The following SGCZ variants were observed in gnomAD, a reference collection of about 807,000 sequenced individuals.
SGCZ encodes sarcoglycan zeta.
A neutral mutation model predicts 41.3 loss-of-function variants in SGCZ; 40 were observed. The observed-to-expected ratio is 0.97, with a 90% CI of 0.75 to 1.26. The LOEUF is 1.26. SGCZ is among the 50% of genes most tolerant of loss of function. SGCZ has a pLI of 0.00. For missense variants in SGCZ, 552 were observed against 369.8 expected (o/e 1.49, Z -4.04); for synonymous variants, 206 against 137.5 (o/e 1.50, Z -3.49).
intron 2 of SGCZ, among the ~76,000 whole-genome samples, chr8:14,523,994 C>G (rs965644746): frequency 1.1e-4 from 16 of 151,950 alleles, no homozygotes; most frequent in African/African-American, 3.6e-4. Flanking sequence ...TTCTTATGTA[C>G]TCATCATTCT....
At chr8:14,299,127 A>C (rs1585334894) in intron 3 of SGCZ, among the ~76,000 whole-genome samples, 1 of 152,170 alleles carries the variant, frequency 6.6e-6, no homozygotes, top group East Asian at 1.9e-4. Context: ...TTGAGTATGG[A>C]AAAAGTACAC....
chr8:14,555,690 A>T (rs1804014027), intron 1 of SGCZ, among the ~76,000 whole-genome samples: 1 of 152,088 alleles, frequency 6.6e-6, no homozygotes, highest in African/African-American at 2.4e-5. Context: ...TCTTTGCAGT[A>T]GAGAGAGACT....
In SGCZ at chr8:15,198,700, C is replaced by T. The variant is rs925100443; in HGVS notation, c.39+38885G>A. Among the ~76,000 whole-genome samples the T allele has an allele frequency of 1.4e-4, 22 of 152,166 alleles. 1 individual carries two copies. The highest frequency in any genetic ancestry group is 5.3e-4 in the African/African-American group (22 of 41,444). On this transcript the variant is annotated intron_variant, in intron 1 of 7. Coordinates refer to ENST00000382080, the MANE Select transcript of SGCZ (RefSeq NM_139167.4). Reference sequence around the variant, plus strand: ...CAGCTACATTAATGGCTGTTATTTACTGTGAGGCTACACTGTGCCAGCCTC... The same window carrying T: ...CAGCTACATTAATGGCTGTTATTTATTGTGAGGCTACACTGTGCCAGCCTC...
chr8:14,638,000 T>C (rs889113155), intron 1 of SGCZ, among the ~76,000 whole-genome samples: 2 of 151,868 alleles, frequency 1.3e-5, no homozygotes, highest in African/African-American at 4.8e-5. Flanking sequence ...ATTTTAGTAA[T>C]AGTCATTTTT....
At chr8:14,490,430 T>C (rs1364549048) in intron 2 of SGCZ, among the ~76,000 whole-genome samples, 2 of 152,146 alleles carry the variant, frequency 1.3e-5, no homozygotes, top group Non-Finnish European at 2.9e-5. Flanking sequence ...GAAATACCAA[T>C]ATATTTTGAG....
At chr8:14,343,685 G>C (rs563522442) in intron 2 of SGCZ, among the ~76,000 whole-genome samples, 1 of 152,148 alleles carries the variant, frequency 6.6e-6, no homozygotes, top group Admixed American at 6.5e-5. Flanking sequence ...CTTAGAGACA[G>C]AATAATCTAG....
intron 2 of SGCZ, among the ~76,000 whole-genome samples, chr8:14,546,720 T>C (rs1317059277): frequency 6.6e-6 from 1 of 152,186 alleles, no homozygotes; most frequent in African/African-American, 2.4e-5. Context: ...TGTATTTATA[T>C]ATTTAATGGT....
intron 3 of SGCZ, among the ~76,000 whole-genome samples, chr8:14,250,123 T>C (rs930321318): frequency 6.6e-6 from 1 of 152,194 alleles, no homozygotes; most frequent in Non-Finnish European, 1.5e-5. Context: ...GGTCTGCAGA[T>C]TACTCTTTGA....
chr8:14,431,836 G>C (rs538148312), intron 2 of SGCZ, among the ~76,000 whole-genome samples: 5 of 152,054 alleles, frequency 3.3e-5, no homozygotes, highest in African/African-American at 1.2e-4. Context: ...AAATTAGCAA[G>C]AATAAAACAA....
In SGCZ at chr8:14,654,851, G is replaced by C. The variant is rs139147476; in HGVS notation, c.40-99925C>G. On this transcript the variant is annotated intron_variant, in intron 1 of 7. Transcript: ENST00000382080. ...CAAAGAACAATTTCTATTTTTAGTA[G>C]AGATGTGGTTTCACTATATTGGTCA... 2.4e-3 allele frequency among the ~76,000 whole-genome samples: 362 copies of C among 151,696 alleles called. 1 individual carries two copies. The highest frequency in any genetic ancestry group is 3.3e-3 in the Non-Finnish European group (222 of 67,966).
At chr8:14,106,297 T>C (rs1405700775) in intron 6 of SGCZ, among the ~76,000 whole-genome samples, 3 of 152,202 alleles carry the variant, frequency 2.0e-5, no homozygotes, top group South Asian at 2.1e-4. Context: ...AGTTGTTGAA[T>C]TCCTGCCTGA....
chr8:14,833,680 G>A (rs1802604046), intron 1 of SGCZ, among the ~76,000 whole-genome samples: 1 of 152,138 alleles, frequency 6.6e-6, no homozygotes, highest in Admixed American at 6.6e-5. Context: ...GTTCCCTCAG[G>A]GAGCTGCTTT....
At chr8:14,151,541 A>G (rs1187846054) in intron 5 of SGCZ, among the ~76,000 whole-genome samples, 2 of 152,152 alleles carry the variant, frequency 1.3e-5, no homozygotes, top group Non-Finnish European at 1.5e-5. Flanking sequence ...GTTTAAGGCA[A>G]TTAAAGCAAG....
intron 1 of SGCZ, among the ~76,000 whole-genome samples, chr8:15,076,357 G>A (rs1322013106): frequency 6.6e-6 from 1 of 152,120 alleles, no homozygotes; most frequent in Non-Finnish European, 1.5e-5. Context: ...CAGAGCAAGG[G>A]GGTAGCAAGA....
At chr8:15,093,354 T>C (rs1032796047) in intron 1 of SGCZ, among the ~76,000 whole-genome samples, 3 of 152,190 alleles carry the variant, frequency 2.0e-5, no homozygotes, top group African/African-American at 4.8e-5. Context: ...AACAGTACTA[T>C]CTTGACACTC....
In SGCZ at chr8:14,968,035, G is replaced by C. The variant is rs1288115952; in HGVS notation, c.39+269550C>G. 1.3e-5 allele frequency among the ~76,000 whole-genome samples: 2 copies of C among 152,034 alleles called. 1 individual carries two copies. Among genetic ancestry groups the C allele is most frequent in the Non-Finnish European group, 2.9e-5 (2 of 67,988 alleles). ...TCTTGTACAAAATTTAATCCAACTA[G>C]AATTTATTGAGCCCAATCTGGACAA... On this transcript the variant is annotated intron_variant, in intron 1 of 7. Coordinates refer to ENST00000382080, the MANE Select transcript of SGCZ (RefSeq NM_139167.4).
intron 1 of SGCZ, among the ~76,000 whole-genome samples, chr8:14,755,132 T>A (rs1018843593): frequency 6.6e-6 from 1 of 152,138 alleles, no homozygotes; most frequent in Non-Finnish European, 1.5e-5. Flanking sequence ...TTCTGTAATT[T>A]TTTTACCTTG....
chr8:14,380,627 G>T (rs994576729), intron 2 of SGCZ, among the ~76,000 whole-genome samples: 2 of 152,134 alleles, frequency 1.3e-5, no homozygotes, highest in African/African-American at 4.8e-5. Context: ...GCCAAGGCAG[G>T]CACATCGTCA....
chr8:14,317,327 A>G (rs1801752620), intron 3 of SGCZ, among the ~76,000 whole-genome samples: 1 of 152,056 alleles, frequency 6.6e-6, no homozygotes, highest in South Asian at 2.1e-4. Context: ...CAGATGATAA[A>G]ACTAAGGCAA....
Sources: allele counts gnomAD v4.1 joint callset (sites outside exome capture counted in the v4.1 genomes callset), GRCh38; gene constraint gnomAD v4.1.1; transcripts MANE v1.5; gene names NCBI Gene and HGNC (gene_info 2026-07-23, HGNC 2026-07-21).